Variants in KCNQ1 observed in about 807,000 individuals in gnomAD.
KCNQ1 encodes potassium voltage-gated channel subfamily KQT member 1.
In KCNQ1, 49 loss-of-function variants were observed where a neutral mutation model predicts 72.4. The observed-to-expected ratio is 0.68, with a 90% confidence interval of 0.54 to 0.86. The LOEUF (loss-of-function observed/expected upper bound fraction) is 0.86, where lower values mean the gene tolerates loss of function less well. Among genes scored for constraint, KCNQ1 ranks in the 40% least tolerant of loss-of-function variants. KCNQ1 has a pLI of 0.00. For synonymous variants in KCNQ1, 450 were observed against 412.6 expected (o/e 1.09, Z -1.10); for missense variants, 790 against 945.1 (o/e 0.84, Z 2.15).
At position 2,652,233 on chromosome 11, in the gene KCNQ1, C is replaced by T. The variant is rs1849768670; in HGVS notation, c.1394-9728C>T. The T allele has an allele frequency of 2.5e-6, 1 of 398,538 alleles. No homozygotes were observed. The allele number at this position is 398,538 out of a possible 1,614,324, so 24.7% of individuals were successfully genotyped here. On this transcript the variant is annotated intron_variant, in intron 10 of 15. Coordinates refer to ENST00000155840, the MANE Select transcript of KCNQ1 (RefSeq NM_000218.3). The surrounding 1 kb of genome is among the most constrained non-coding windows in gnomAD (Gnocchi z 5.9). ...TGGAGCCGGATGCTGAGAATGAGGC[C>T]TGCAACTCATTTCCCCATTAAACAT...
At chr11:2,773,871 T>TAA (rs1846646382) in intron 12 of KCNQ1, among the ~76,000 whole-genome samples, 1 of 114,692 alleles carries the variant, frequency 8.7e-6, no homozygotes. Flanking sequence ...CTAACAGGGC[T>TAA]CAGCAACCCA....
At chr11:2,615,212 A>G in intron 10 of KCNQ1, 1 of 398,166 alleles carries the variant, frequency 2.5e-6, no homozygotes, top group Non-Finnish European at 4.4e-6. Context: ...TTCCTGGTAT[A>G]TAGAGGCACA....
intron 11 of KCNQ1, among the ~76,000 whole-genome samples, chr11:2,751,550 C>T (rs1259473634): frequency 3.9e-5 from 6 of 152,260 alleles, no homozygotes; most frequent in Non-Finnish European, 7.3e-5. Flanking sequence ...TCTGAGTTCA[C>T]TGCTGGTGGG....
intron 1 of KCNQ1, among the ~76,000 whole-genome samples, chr11:2,510,598 C>T (rs1467531486): frequency 6.6e-6 from 1 of 152,192 alleles, no homozygotes; most frequent in African/African-American, 2.4e-5. Flanking sequence ...AGAACCAGGC[C>T]CTTTCTCAAA....
Position 2,451,919 on chromosome 11 carries a change from G to A in KCNQ1, c.386+6435G>A, listed in dbSNP as rs1237629164. On this transcript the variant is annotated intron_variant, in intron 1 of 15. Transcript: ENST00000155840. The surrounding 1 kb of genome is among the most constrained non-coding windows in gnomAD (Gnocchi z 6.4). ...TTAGGATGCTGTGGTCTCAAGTGAG[G>A]TGGTGCACTATTCCTGGCCTCAGGC... Among the ~76,000 whole-genome samples the A allele has an allele frequency of 6.6e-6, 1 of 152,184 alleles. No individual in the cohort carries two copies. The highest frequency in any genetic ancestry group is 1.5e-5 in the Non-Finnish European group (1 of 68,030).
rs1849916132 is a variant in KCNQ1, at chr11:2,659,712, C to CGAG, written c.1394-2249_1394-2248insGAG. The CGAG allele has an allele frequency of 7.5e-6, 3 of 398,450 alleles. No individual in the cohort carries two copies. The Admixed American group carries it at 1.3e-4, about 18-fold the overall frequency. 24.7% of individuals were successfully genotyped at this position (398,450 alleles called of 1,614,324 possible). On this transcript the variant is annotated intron_variant, in intron 10 of 15. Coordinates refer to ENST00000155840, the MANE Select transcript of KCNQ1 (RefSeq NM_000218.3). This position sits in a 1 kb window ranked among gnomAD's most constrained non-coding sequence, Gnocchi z 4.3. ...TCACTGTGCCATTTTGCATTCCCAC[C>CGAG]AGTAACATATGAGAGTTCTACATGT...
At chr11:2,558,394 G>T (rs934346281) in intron 2 of KCNQ1, among the ~76,000 whole-genome samples, 28 of 152,154 alleles carry the variant, frequency 1.8e-4, no homozygotes, top group Non-Finnish European at 4.4e-5. Context: ...GCCAGGTGAT[G>T]GGTTGATTCA....
rs931688355 is a variant in KCNQ1, at chr11:2,547,910, G to C, written c.477+19892G>C. On this transcript the variant is annotated intron_variant, in intron 2 of 15. Coordinates refer to ENST00000155840, the MANE Select transcript of KCNQ1 (RefSeq NM_000218.3). This position sits in a 1 kb window ranked among gnomAD's most constrained non-coding sequence, Gnocchi z 4.2. ...TGGCACGTGCCAAGACCCGGATGGG[G>C]CGTGTGCCTGGCGCGGGTGGAGGGA... Among the ~76,000 whole-genome samples the C allele has an allele frequency of 3.3e-5, 5 of 152,248 alleles. No homozygotes were observed. The highest frequency in any genetic ancestry group is 1.2e-4 in the African/African-American group (5 of 41,460).
intron 15 of KCNQ1, among the ~76,000 whole-genome samples, chr11:2,807,559 C>T (rs1335770010): frequency 6.6e-6 from 1 of 152,200 alleles, no homozygotes; most frequent in African/African-American, 2.4e-5. Flanking sequence ...GGAACACTCC[C>T]GGGCCGGGCC....
At chr11:2,558,975 C>T (rs1848115520) in intron 2 of KCNQ1, among the ~76,000 whole-genome samples, 1 of 152,154 alleles carries the variant, frequency 6.6e-6, no homozygotes. Flanking sequence ...GGCCAGCTGC[C>T]TTGAGCACCT....
rs1848760499 is a variant in KCNQ1, at chr11:2,598,440, A to G, written c.1393+9586A>G. Among the ~76,000 whole-genome samples the G allele has an allele frequency of 6.6e-6, 1 of 152,148 alleles. No individual in the cohort carries two copies. The highest frequency in any genetic ancestry group is 6.5e-5 in the Admixed American group (1 of 15,270). ...AAGATTTTCTTTGTCTCCAAGTATG[A>G]AAATAACATCATTATTTTTGTAAAT... On this transcript the variant is annotated intron_variant, in intron 10 of 15. Transcript: ENST00000155840. This position sits in a 1 kb window ranked among gnomAD's most constrained non-coding sequence, Gnocchi z 6.2.
intron 10 of KCNQ1, chr11:2,625,313 T>C: frequency 2.5e-6 from 1 of 398,622 alleles, no homozygotes; most frequent in East Asian, 3.6e-5. Flanking sequence ...TGCAGTGGCA[T>C]GATCATGGCA....
At chr11:2,580,532 G>A (rs938975237) in intron 6 of KCNQ1, among the ~76,000 whole-genome samples, 8 of 152,162 alleles carry the variant, frequency 5.3e-5, no homozygotes, top group African/African-American at 7.2e-5. Flanking sequence ...GGATCCCCAC[G>A]CCTGTCCCGG....
chr11:2,705,430 C>T (rs1850891911), intron 11 of KCNQ1, among the ~76,000 whole-genome samples: 1 of 152,230 alleles, frequency 6.6e-6, no homozygotes, highest in South Asian at 2.1e-4. Context: ...GTTAACTCAG[C>T]AGCTGTCTCC....
At chr11:2,504,609 T>A (rs1017214527) in intron 1 of KCNQ1, among the ~76,000 whole-genome samples, 2 of 151,964 alleles carry the variant, frequency 1.3e-5, no homozygotes, top group East Asian at 3.9e-4. Flanking sequence ...ACAGGAAAAT[T>A]AGCTGGACTT....
chr11:2,610,450 C>A (rs900142560), intron 10 of KCNQ1: 1 of 398,376 alleles, frequency 2.5e-6, no homozygotes, highest in Non-Finnish European at 4.4e-6. Context: ...ATTTGATCCA[C>A]TTTTTTGGTT....
Position 2,809,381 on chromosome 11 carries a change from C to T in KCNQ1, c.1794+31344C>T, listed in dbSNP as rs759994872. ...CTCAGCTTTGTGTGGTAGCCAGCGA[C>T]GCTGCAACCCCGCCCCCGCAGCCTC... On this transcript the variant is annotated intron_variant, in intron 15 of 15. Transcript: ENST00000155840. The surrounding 1 kb of genome is among the most constrained non-coding windows in gnomAD (Gnocchi z 7.1). 3.9e-5 allele frequency among the ~76,000 whole-genome samples: 6 copies of T among 152,136 alleles called. No individual in the cohort carries two copies. Among genetic ancestry groups the T allele is most frequent in the Admixed American group, 6.5e-5 (1 of 15,280 alleles).
At chr11:2,699,720 C>T (rs1850756213) in intron 11 of KCNQ1, 2 of 332,866 alleles carry the variant, frequency 6.0e-6, no homozygotes, top group South Asian at 1.5e-4. Context: ...GCCGAGGAGT[C>T]CCCGGGGAGA....
At position 2,829,151 on chromosome 11, in the gene KCNQ1, CAAAG is replaced by C. The variant is rs1429377784; in HGVS notation, c.1795-18610_1795-18607del. On this transcript the variant is annotated intron_variant, in intron 15 of 15. Transcript: ENST00000155840. ...GCTCTAGCAAAATGAGAGGAAAAAACAAAGAAAGAGAAACACAATTCAAGAACCA... is the reference window on the plus strand; with the variant it reads ...GCTCTAGCAAAATGAGAGGAAAAAACAAAGAGAAACACAATTCAAGAACCA... 3.3e-5 allele frequency among the ~76,000 whole-genome samples: 5 copies of C among 152,002 alleles called. No individual in the cohort carries two copies. The South Asian group carries it at 1.0e-3, about 32-fold the overall frequency.
Sources: allele counts gnomAD v4.1 joint callset (sites outside exome capture counted in the v4.1 genomes callset), GRCh38; gene constraint gnomAD v4.1.1; non-coding constraint Gnocchi (gnomAD v3.1); transcripts MANE v1.5; gene names NCBI Gene and HGNC (gene_info 2026-07-23, HGNC 2026-07-21).